The following SUMF1 variants were observed in gnomAD, a reference collection of about 807,000 sequenced individuals.
SUMF1 encodes the protein formylglycine-generating enzyme.
SUMF1 carries 48 observed loss-of-function variants against 47.6 expected under a neutral mutation model. That is an observed-to-expected ratio of 1.01 (90% confidence interval 0.80 to 1.28). SUMF1 has a LOEUF of 1.28. SUMF1 is among the 50% of genes most tolerant of loss of function. The pLI, the probability that SUMF1 is intolerant of heterozygous loss-of-function variation, is 0.00. For missense variants in SUMF1, 571 were observed against 485.4 expected, an observed-to-expected ratio of 1.18 and a Z score of -1.66; for synonymous variants, 230 against 192.1, an observed-to-expected ratio of 1.20 and a Z score of -1.63.
At chr3:4,252,803 C>T (rs1200872395) in intron 8 of SUMF1, among the ~76,000 whole-genome samples, 1 of 152,102 alleles carries the variant, frequency 6.6e-6, no homozygotes, top group East Asian at 1.9e-4. Context: ...TGCAAATGGT[C>T]TGACTCAGTG....
At chr3:4,453,320 A>T (rs896618795) in intron 1 of SUMF1, among the ~76,000 whole-genome samples, 4 of 152,212 alleles carry the variant, frequency 2.6e-5, no homozygotes, top group African/African-American at 9.6e-5. Flanking sequence ...CTGGAATAAC[A>T]GTCACCAAGC....
At chr3:4,422,787 T>A (rs958162268) in intron 3 of SUMF1, among the ~76,000 whole-genome samples, 2 of 151,826 alleles carry the variant, frequency 1.3e-5, no homozygotes, top group Admixed American at 6.6e-5. Context: ...TTAAAAAAAA[T>A]TATGTATTTA....
At chr3:4,388,735 A>G (rs1700753504) in intron 7 of SUMF1, among the ~76,000 whole-genome samples, 1 of 151,986 alleles carries the variant, frequency 6.6e-6, no homozygotes, top group Non-Finnish European at 1.5e-5. Flanking sequence ...CTCTTTGTGT[A>G]GCTTTTTTAG....
chr3:4,362,054 C>A lies in SUMF1; in HGVS notation c.*90G>T. On this transcript the variant is annotated 3_prime_UTR_variant, in exon 9 of 9. Coordinates refer to ENST00000272902, the MANE Select transcript of SUMF1 (RefSeq NM_182760.4). ...TGTAACCCACCTCAGGGTGGGAATT[C>A]TTTGCATGGGATCGTTCAAAGTTCT... 1.5e-6 allele frequency: 2 copies of A among 1,324,258 alleles called. No homozygotes were observed. Among genetic ancestry groups the A allele is most frequent in the Non-Finnish European group, 2.2e-6 (2 of 928,274 alleles). The allele number at this position is 1,324,258 out of a possible 1,614,324, so 82.0% of individuals were successfully genotyped here.
intron 8 of SUMF1, among the ~76,000 whole-genome samples, chr3:4,174,381 T>C (rs564324079): frequency 6.9e-5 from 10 of 145,770 alleles, no homozygotes; most frequent in Middle Eastern, 3.6e-3. Context: ...AAAAAAATTA[T>C]GGTTACCCAG....
chr3:4,252,911 G>A (rs879051530), intron 8 of SUMF1, among the ~76,000 whole-genome samples: 18 of 152,038 alleles, frequency 1.2e-4, no homozygotes, highest in African/African-American at 2.4e-4. Flanking sequence ...TGGTGTATTC[G>A]TATCTAAAAT....
chr3:4,122,811 T>C (rs1441439855), intron 8 of SUMF1, among the ~76,000 whole-genome samples: 1 of 152,106 alleles, frequency 6.6e-6, no homozygotes, highest in Non-Finnish European at 1.5e-5. Flanking sequence ...GAGGAGTGTA[T>C]TGGAACTGTT....
At chr3:4,157,652 T>C (rs532044685) in intron 8 of SUMF1, among the ~76,000 whole-genome samples, 2 of 151,480 alleles carry the variant, frequency 1.3e-5, no homozygotes, top group Non-Finnish European at 2.9e-5. Flanking sequence ...ATCAGAGTGA[T>C]TTACATTTTG....
At chr3:4,114,005 T>C (rs534483588) in intron 8 of SUMF1, among the ~76,000 whole-genome samples, 11 of 152,242 alleles carry the variant, frequency 7.2e-5, no homozygotes, top group African/African-American at 2.4e-4. Flanking sequence ...TTTTAAAAGA[T>C]GCTGATTGGA....
intron 8 of SUMF1, among the ~76,000 whole-genome samples, chr3:4,141,183 G>A (rs1490417677): frequency 2.6e-5 from 4 of 152,122 alleles, no homozygotes; most frequent in Non-Finnish European, 5.9e-5. Flanking sequence ...AAGGCCATGT[G>A]TACTCCTTTC....
intron 8 of SUMF1, among the ~76,000 whole-genome samples, chr3:4,284,516 C>G (rs1345725678): frequency 6.7e-6 from 1 of 148,552 alleles, no homozygotes; most frequent in Non-Finnish European, 1.5e-5. Context: ...AAGGGGCTTG[C>G]CTTGCTTTTC....
rs74283050 is a variant in SUMF1 at position 4,111,290 on chromosome 3, G to T, written c.1015-42545C>A. On this transcript the variant is annotated intron_variant and NMD_transcript_variant, in intron 8 of 12. Transcript: ENST00000448413. ...TTTCAATCCATGATTGGTTGAAAAA[G>T]GTCCACATGGAAGTGGACCTGTGCA... Among the ~76,000 whole-genome samples the T allele has an allele frequency of 5.9e-5, 9 of 152,052 alleles. No homozygotes were observed. The East Asian group carries it at 7.7e-4, about 13-fold the overall frequency.
In SUMF1 at chr3:4,329,773, T is replaced by C. The variant is rs1699014492; in HGVS notation, c.1014+46557A>G. On this transcript the variant is annotated intron_variant and NMD_transcript_variant, in intron 8 of 12. Transcript: ENST00000448413. ...ATTTCTCCTTAGAAAATGTTTTTTT[T>C]TTTTCCTATCACATCATCAGGCTGC... Among the ~76,000 whole-genome samples the C allele has an allele frequency of 2.6e-5, 4 of 152,222 alleles. No homozygotes were observed. The South Asian group carries it at 8.3e-4, about 31-fold the overall frequency.
intron 8 of SUMF1, among the ~76,000 whole-genome samples, chr3:4,368,591 T>G (rs62257907): frequency 6.6e-6 from 1 of 151,980 alleles, no homozygotes; most frequent in Non-Finnish European, 1.5e-5. Context: ...CCAACCCAAA[T>G]GTCCAACCAT....
intron 8 of SUMF1, among the ~76,000 whole-genome samples, chr3:4,270,179 G>A (rs1005357807): frequency 3.3e-5 from 5 of 152,112 alleles, no homozygotes; most frequent in Non-Finnish European, 5.9e-5. Context: ...ATGATACACT[G>A]ATGCTGAGTC....
At chr3:4,394,626 G>A (rs1301023916) in intron 7 of SUMF1, among the ~76,000 whole-genome samples, 2 of 152,182 alleles carry the variant, frequency 1.3e-5, no homozygotes, top group Non-Finnish European at 2.9e-5. Flanking sequence ...TTCCCTTTAT[G>A]TTTCTCGTTA....
chr3:4,105,181 C>A (rs549822211), intron 8 of SUMF1, among the ~76,000 whole-genome samples: 3 of 152,096 alleles, frequency 2.0e-5, no homozygotes, highest in African/African-American at 7.2e-5. Flanking sequence ...CTAAAACAGT[C>A]GAACTCATAG....
chr3:4,253,605 G>A (rs1448020994), intron 8 of SUMF1, among the ~76,000 whole-genome samples: 1 of 151,784 alleles, frequency 6.6e-6, no homozygotes, highest in African/African-American at 2.4e-5. Flanking sequence ...TGGCTCAGAG[G>A]GTCCTACGCC....
intron 9 of SUMF1, among the ~76,000 whole-genome samples, chr3:4,044,846 C>A (rs139704546): frequency 6.6e-6 from 1 of 152,204 alleles, no homozygotes; most frequent in Non-Finnish European, 1.5e-5. Flanking sequence ...TCATTTAGAT[C>A]ATTCTTCTTA....
Sources: allele counts gnomAD v4.1 joint callset (sites outside exome capture counted in the v4.1 genomes callset), GRCh38; gene constraint gnomAD v4.1.1; transcripts MANE v1.5; gene names NCBI Gene and HGNC (gene_info 2026-07-23, HGNC 2026-07-21).